Variants in RNF114 observed in about 807,000 individuals in gnomAD.
The protein encoded by RNF114 is E3 ubiquitin-protein ligase RNF114.
RNF114 carries 6 observed loss-of-function variants against 28.4 expected under a neutral mutation model. The observed-to-expected ratio is 0.21, with a 90% confidence interval of 0.12 to 0.42. RNF114 has a LOEUF of 0.42. Ranked by LOEUF, RNF114 falls within the 10% of genes least tolerant of loss-of-function variation. RNF114 has a pLI of 1.00. For missense variants in RNF114, 249 were observed against 311.7 expected (o/e 0.80, Z 1.51); for synonymous variants, 115 against 116.7 (o/e 0.99, Z 0.09).
intron 4 of RNF114, among the ~76,000 whole-genome samples, chr20:49,946,890 A>G (rs550292052): frequency 6.6e-6 from 1 of 151,672 alleles, no homozygotes; most frequent in African/African-American, 2.4e-5. Context: ...TTTTACTCAG[A>G]TATTACCTAC....
rs374324108 is a variant in RNF114, at chr20:49,949,193, G to A, written c.514-55G>A. 3.5e-6 allele frequency: 5 copies of A among 1,427,232 alleles called. No homozygotes were observed. The African/African-American group carries it at 5.6e-5, about 16-fold the overall frequency. 88.4% of individuals were successfully genotyped at this position (1,427,232 alleles called of 1,614,324 possible). A position where few individuals can be genotyped will look rare whatever the true frequency, so the allele number is the denominator to read the frequency against. ...AAGGAGGCCAGACACAGGCCACAGA[G>A]GGCTGGTGCAAGCTTGGAAATTGGG... On this transcript the variant is annotated intron_variant, in intron 4 of 5. Coordinates refer to ENST00000244061, the MANE Select transcript of RNF114 (RefSeq NM_018683.4).
rs1407626799 is a variant in RNF114 at position 49,940,062 on chromosome 20, A to AAG, written c.141-1498_141-1497insGA. Among the ~76,000 whole-genome samples the AAG allele has an allele frequency of 4.6e-5, 7 of 151,572 alleles. No individual in the cohort carries two copies. In the South Asian group the frequency reaches 1.5e-3, roughly 32 times the overall value. On this transcript the variant is annotated intron_variant, in intron 1 of 5. Coordinates refer to ENST00000244061, the MANE Select transcript of RNF114 (RefSeq NM_018683.4). ...GAGCACGACTCTGTCTCAAAAAAAA[A>AAG]AAAAAAAAAAAAAGTAACAAAACTT... is the stretch of plus-strand genomic sequence containing the variant.
At chr20:49,937,388 G>A (rs1173704750) in intron 1 of RNF114, among the ~76,000 whole-genome samples, 1 of 152,172 alleles carries the variant, frequency 6.6e-6, no homozygotes, top group Admixed American at 6.6e-5. Flanking sequence ...CCCTCTCAGT[G>A]CTTATCGTGG....
intron 3 of RNF114, 55 bp from the exon 4 acceptor site, chr20:49,946,081 T>A (rs538370413): frequency 1.1e-6 from 1 of 912,134 alleles, no homozygotes; most frequent in South Asian, 1.5e-5. Context: ...GGTTGAAGTT[T>A]AATGGAAAGG....
chr20:49,945,526 C>G, intron 3 of RNF114, 38 bp downstream of exon 3: 2 of 1,245,276 alleles, frequency 1.6e-6, no homozygotes, highest in Non-Finnish European at 2.3e-6. Context: ...GAGGTCATCT[C>G]TTGCTATTAA....
intron 4 of RNF114, among the ~76,000 whole-genome samples, chr20:49,946,781 T>C (rs1261085347): frequency 6.6e-6 from 1 of 152,198 alleles, no homozygotes; most frequent in African/African-American, 2.4e-5. Flanking sequence ...AATTTCTCCA[T>C]GAAGCTGCCA....
At chr20:49,939,735 C>T (rs1342823834) in intron 1 of RNF114, among the ~76,000 whole-genome samples, 4 of 149,784 alleles carry the variant, frequency 2.7e-5, no homozygotes, top group African/African-American at 7.5e-5. Flanking sequence ...TACTTTGTCT[C>T]TTCTCACCTT....
At chr20:49,941,946 C>T (rs754608986) in intron 2 of RNF114, 1 of 475,282 alleles carries the variant, frequency 2.1e-6, no homozygotes, top group Non-Finnish European at 3.7e-6. Context: ...CCATAGAAAT[C>T]AGTTATCCCA....
rs539450304 is a variant in RNF114 at position 49,940,502 on chromosome 20, C to T, written c.141-1059C>T. ...CGATCTTGGCTCACTGCAAGCTCTG[C>T]GTCCTGGGTTCATGCCATTCTCCTG... is the stretch of plus-strand genomic sequence containing the variant. On this transcript the variant is annotated intron_variant, in intron 1 of 5. Coordinates refer to ENST00000244061, the MANE Select transcript of RNF114 (RefSeq NM_018683.4). 3.9e-5 allele frequency among the ~76,000 whole-genome samples: 6 copies of T among 151,934 alleles called. No homozygotes were observed. The East Asian group carries it at 1.2e-3, about 29-fold the overall frequency.
At chr20:49,948,195 C>T (rs1408171238) in intron 4 of RNF114, among the ~76,000 whole-genome samples, 1 of 152,126 alleles carries the variant, frequency 6.6e-6, no homozygotes, top group African/African-American at 2.4e-5. Flanking sequence ...CAGCTGCCTG[C>T]CCACCTTTTC....
chr20:49,947,097 T>C (rs1469461356), intron 4 of RNF114, among the ~76,000 whole-genome samples: 1 of 151,502 alleles, frequency 6.6e-6, no homozygotes, highest in Non-Finnish European at 1.5e-5. Context: ...GCGGGCGCCT[T>C]TAATCCCAGC....
intron 1 of RNF114, 122 bp from the exon 2 acceptor site, chr20:49,941,439 G>C (rs772392514): frequency 1.8e-6 from 2 of 1,084,928 alleles, no homozygotes; most frequent in Non-Finnish European, 2.6e-6. Flanking sequence ...TATTTGAACT[G>C]GGAGGAGAGA....
At chr20:49,950,735 G>T (rs1033480153) in intron 5 of RNF114, among the ~76,000 whole-genome samples, 1 of 151,852 alleles carries the variant, frequency 6.6e-6, no homozygotes, top group African/African-American at 2.4e-5. Context: ...TTTGGACTTG[G>T]GAGGCTCAAT....
At chr20:49,944,328 C>T (rs1427568423) in intron 2 of RNF114, 1 of 152,226 alleles carries the variant, frequency 6.6e-6, no homozygotes, top group African/African-American at 2.4e-5. Flanking sequence ...CTCAGCCTCC[C>T]TCAGGATTAC....
intron 1 of RNF114, 25 bp downstream of exon 1, chr20:49,936,577 C>A (rs180770679): frequency 3.8e-6 from 6 of 1,573,568 alleles, no homozygotes; most frequent in South Asian, 1.2e-5. Flanking sequence ...CGGGCCTGGT[C>A]GGGGGGCGCT....
At chr20:49,948,845 C>T (rs1333588733) in intron 4 of RNF114, among the ~76,000 whole-genome samples, 2 of 152,294 alleles carry the variant, frequency 1.3e-5, no homozygotes, top group African/African-American at 2.4e-5. Flanking sequence ...CTCTTCTGAG[C>T]ATTTCCTTTG....
intron 2 of RNF114, chr20:49,945,161 G>A: frequency 2.2e-6 from 1 of 459,000 alleles, no homozygotes; most frequent in Non-Finnish European, 4.0e-6. Flanking sequence ...TTTTAGAGTG[G>A]AAGTGGATAT....
intron 1 of RNF114, chr20:49,941,219 A>G (rs2090306614): frequency 1.5e-5 from 3 of 198,134 alleles, no homozygotes; most frequent in Non-Finnish European, 2.0e-5. Flanking sequence ...GCAGTCCTAG[A>G]GGTAGGTACT....
At chr20:49,937,444 A>T (rs1423579266) in intron 1 of RNF114, among the ~76,000 whole-genome samples, 1 of 151,996 alleles carries the variant, frequency 6.6e-6, no homozygotes, top group African/African-American at 2.4e-5. Flanking sequence ...TAGCCATTGC[A>T]CTCCATGGGC....
Sources: gnomAD v4.1 joint callset for allele counts (sites outside exome capture counted in the v4.1 genomes callset) on GRCh38, gnomAD v4.1.1 for gene constraint, MANE v1.5 for transcripts, NCBI Gene and HGNC (gene_info 2026-07-23, HGNC 2026-07-21) for gene names.